The following AKAP6 variants were observed in gnomAD, a reference collection of about 807,000 sequenced individuals.
AKAP6 encodes A-kinase anchoring protein 6.
A neutral mutation model predicts 188.5 loss-of-function variants in AKAP6; 58 were observed. The observed-to-expected ratio is 0.31, with a 90% confidence interval of 0.25 to 0.38. The LOEUF (loss-of-function observed/expected upper bound fraction) is 0.38. Ranked by LOEUF, AKAP6 falls within the 10% of genes least tolerant of loss-of-function variation. The pLI is 1.00. For missense variants in AKAP6, 2,710 were observed against 2,740.0 expected (o/e 0.99, Z 0.24); for synonymous variants, 989 against 998.6 (o/e 0.99, Z 0.18).
intron 8 of AKAP6, among the ~76,000 whole-genome samples, chr14:32,687,333 A>G (rs1034007168): frequency 3.3e-5 from 5 of 151,484 alleles, no homozygotes; most frequent in African/African-American, 1.2e-4. Context: ...ATTTCCTGCC[A>G]TGGGGTGATC....
At chr14:32,476,187 T>C (rs1879058157) in intron 2 of AKAP6, among the ~76,000 whole-genome samples, 1 of 152,202 alleles carries the variant, frequency 6.6e-6, no homozygotes, top group South Asian at 2.1e-4. Flanking sequence ...ATTTAATGCC[T>C]ACCATATGTC....
At chr14:32,470,686 A>G (rs1341792069) in intron 2 of AKAP6, among the ~76,000 whole-genome samples, 2 of 152,226 alleles carry the variant, frequency 1.3e-5, no homozygotes, top group South Asian at 2.1e-4. Flanking sequence ...TTGAACAGAC[A>G]ATAGAGGTAG....
intron 7 of AKAP6, among the ~76,000 whole-genome samples, chr14:32,625,989 T>G (rs1476152840): frequency 6.6e-6 from 1 of 152,128 alleles, no homozygotes; most frequent in Non-Finnish European, 1.5e-5. Flanking sequence ...CTAACTTGGG[T>G]TCTTACCAGC....
chr14:32,664,702 C>T (rs1262640062), intron 7 of AKAP6, among the ~76,000 whole-genome samples: 1 of 152,078 alleles, frequency 6.6e-6, no homozygotes, highest in East Asian at 1.9e-4. Context: ...TTCTCTCCAG[C>T]TGACATGCAT....
chr14:32,463,245 C>G (rs1891413572), intron 2 of AKAP6, among the ~76,000 whole-genome samples: 2 of 152,082 alleles, frequency 1.3e-5, no homozygotes, highest in African/African-American at 4.8e-5. Context: ...CTGGACTAAG[C>G]AGACCTAACA....
chr14:32,391,267 C>G (rs1310826720), intron 1 of AKAP6, among the ~76,000 whole-genome samples: 1 of 152,146 alleles, frequency 6.6e-6, no homozygotes, highest in Non-Finnish European at 1.5e-5. Context: ...TGCAAAATTC[C>G]TTGGCTGGAG....
intron 2 of AKAP6, among the ~76,000 whole-genome samples, chr14:32,520,760 G>T (rs977539648): frequency 2.0e-5 from 3 of 152,140 alleles, no homozygotes; most frequent in African/African-American, 4.8e-5. Context: ...AATTCTACCA[G>T]AGGTACAAAG....
chr14:32,602,357 T>C (rs1005236336), intron 7 of AKAP6, among the ~76,000 whole-genome samples: 2 of 152,104 alleles, frequency 1.3e-5, no homozygotes, highest in African/African-American at 4.8e-5. Flanking sequence ...GAGCCAGGCA[T>C]GGTGGCATGC....
At chr14:32,792,693 T>C (rs1390016450) in intron 12 of AKAP6, among the ~76,000 whole-genome samples, 1 of 152,228 alleles carries the variant, frequency 6.6e-6, no homozygotes, top group Non-Finnish European at 1.5e-5. Context: ...CCTTGTCTTA[T>C]GCTGGTTTTC....
chr14:32,632,207 A>G (rs1193778560), intron 7 of AKAP6, among the ~76,000 whole-genome samples: 1 of 152,052 alleles, frequency 6.6e-6, no homozygotes, highest in African/African-American at 2.4e-5. Flanking sequence ...TTTAGTGAGC[A>G]TCTTATGTGA....
chr14:32,490,735 G>A (rs1235532150), intron 2 of AKAP6, among the ~76,000 whole-genome samples: 2 of 152,144 alleles, frequency 1.3e-5, no homozygotes, highest in African/African-American at 4.8e-5. Flanking sequence ...GGAAAATGGT[G>A]CCAAATGTCT....
intron 7 of AKAP6, among the ~76,000 whole-genome samples, chr14:32,647,843 T>A (rs988074944): frequency 4.6e-5 from 7 of 152,030 alleles, no homozygotes; most frequent in Non-Finnish European, 5.9e-5. Context: ...ACAAACATAA[T>A]CAGTAGCCCT....
At chr14:32,676,714 A>G (rs1260316615) in intron 7 of AKAP6, among the ~76,000 whole-genome samples, 5 of 152,224 alleles carry the variant, frequency 3.3e-5, no homozygotes, top group African/African-American at 1.2e-4. Flanking sequence ...AACTATAGTT[A>G]TTTTAGCAGT....
chr14:32,796,286 T>G (rs143802957), intron 12 of AKAP6, among the ~76,000 whole-genome samples: 19 of 152,292 alleles, frequency 1.2e-4, no homozygotes, highest in Non-Finnish European at 2.4e-4. Flanking sequence ...CTTTAAAAAT[T>G]CATATGGAAC....
chr14:32,546,666 G>A lies in AKAP6; in HGVS notation c.2013G>A (p.Leu671=). ...TCCAGAATATTGATGACTGGGAACT[G>A]TCTGAAATGAATTCAGATTCTGAAA... ...ETIQNIDDWE[L]SEMNSDSEIY... Residue 671 remains leucine, a synonymous_variant, in exon 4 of 14, where the codon CTG becomes CTA. Transcript: ENST00000280979. 3 of 1,614,144 alleles carry A rather than the reference G, an allele frequency of 1.9e-6. No individual in the cohort carries two copies. Among genetic ancestry groups the A allele is most frequent in the Non-Finnish European group, 2.5e-6 (3 of 1,180,022 alleles).
intron 1 of AKAP6, among the ~76,000 whole-genome samples, chr14:32,427,041 A>C (rs1890056902): frequency 6.6e-6 from 1 of 152,120 alleles, no homozygotes; most frequent in South Asian, 2.1e-4. Flanking sequence ...ACAAAAGGAA[A>C]TATTCAAGAG....
chr14:32,631,302 A>G (rs1313069681), intron 7 of AKAP6, among the ~76,000 whole-genome samples: 1 of 152,184 alleles, frequency 6.6e-6, no homozygotes, highest in East Asian at 1.9e-4. Context: ...TTCTGTGCTT[A>G]TGCAAACAAA....
intron 9 of AKAP6, among the ~76,000 whole-genome samples, chr14:32,717,414 T>C (rs753098805): frequency 3.9e-5 from 6 of 152,140 alleles, no homozygotes; most frequent in Non-Finnish European, 8.8e-5. Flanking sequence ...TTTTCTGCAA[T>C]GCTGTTTATT....
intron 12 of AKAP6, among the ~76,000 whole-genome samples, chr14:32,806,144 T>C (rs1362911713): frequency 6.6e-6 from 1 of 152,230 alleles, no homozygotes; most frequent in Admixed American, 6.5e-5. Context: ...GCCTGCCATA[T>C]GCTCAGCATT....
Sources: gnomAD v4.1 joint callset for allele counts (sites outside exome capture counted in the v4.1 genomes callset) on GRCh38, gnomAD v4.1.1 for gene constraint, MANE v1.5 for transcripts, NCBI Gene and HGNC (gene_info 2026-07-23, HGNC 2026-07-21) for gene names.